The following NRXN3 variants were observed in gnomAD, a reference collection of about 807,000 sequenced individuals.
The protein encoded by NRXN3 is neurexin III.
Under a neutral mutation model 137.6 loss-of-function variants are expected in NRXN3, and 32 were observed. The observed-to-expected ratio is 0.23, with a 90% confidence interval of 0.18 to 0.31. The LOEUF is 0.31. Among genes scored for constraint, NRXN3 ranks in the 10% least tolerant of loss-of-function variants. The probability of loss-of-function intolerance (pLI) is 1.00; values close to 1 mark genes in which losing one functional copy is unlikely to be tolerated. For synonymous variants in NRXN3, 798 were observed against 784.5 expected (o/e 1.02, Z -0.29); for missense variants, 1,574 against 2,062.5 (o/e 0.76, Z 4.59).
In NRXN3 at chr14:78,481,255, G is replaced by A. The variant is rs971618180; in HGVS notation, c.758-163865G>A. Among the ~76,000 whole-genome samples, 8 of 152,122 alleles carry A rather than the reference G, an allele frequency of 5.3e-5. No homozygotes were observed. In the East Asian group the frequency reaches 5.8e-4, roughly 11 times the overall value. On this transcript the variant is annotated intron_variant, in intron 4 of 20. Coordinates refer to ENST00000335750, the MANE Select transcript of NRXN3 (RefSeq NM_001330195.2). ...TGAATGATAGTCTCTGTAGGGGAAC[G>A]CTGTGCAAAATGAGTCTTAACTGAT... is the stretch of plus-strand genomic sequence containing the variant.
intron 15 of NRXN3, among the ~76,000 whole-genome samples, chr14:79,361,760 T>G (rs904814723): frequency 7.9e-5 from 12 of 152,154 alleles, no homozygotes; most frequent in African/African-American, 2.9e-4. Flanking sequence ...ATAAAATGAC[T>G]GATATCGATT....
At chr14:79,796,246 T>C (rs994519430) in intron 19 of NRXN3, among the ~76,000 whole-genome samples, 12 of 152,202 alleles carry the variant, frequency 7.9e-5, no homozygotes, top group African/African-American at 2.7e-4. Flanking sequence ...GTCTCCTAAA[T>C]AATATGTAAT....
At chr14:79,231,302 T>C (rs749038942) in intron 15 of NRXN3, among the ~76,000 whole-genome samples, 8 of 152,170 alleles carry the variant, frequency 5.3e-5, no homozygotes, top group Non-Finnish European at 8.8e-5. Flanking sequence ...TCCCTTAATA[T>C]GATTAGTTTC....
At chr14:79,223,863 A>C (rs781683596) in intron 15 of NRXN3, among the ~76,000 whole-genome samples, 67 of 152,064 alleles carry the variant, frequency 4.4e-4, no homozygotes, top group Admixed American at 9.8e-4. Context: ...TATGACTGGT[A>C]TTTTTTTAAG....
At position 78,333,391 on chromosome 14, in the gene NRXN3, G is replaced by A. The variant is rs184713835; in HGVS notation, c.757+35531G>A. Among the ~76,000 whole-genome samples the A allele has an allele frequency of 5.1e-3, 775 of 152,302 alleles. 7 individuals are homozygous for A. Among genetic ancestry groups the A allele is most frequent in the Non-Finnish European group, 8.9e-3 (606 of 68,028 alleles). ...AGACACCATTCTAGGAATTGAGGATGTATCAGAGAATAAGATGAACAAAAA... is the reference window on the plus strand; with the variant it reads ...AGACACCATTCTAGGAATTGAGGATATATCAGAGAATAAGATGAACAAAAA... On this transcript the variant is annotated intron_variant, in intron 4 of 20. Coordinates refer to ENST00000335750, the MANE Select transcript of NRXN3 (RefSeq NM_001330195.2).
intron 15 of NRXN3, among the ~76,000 whole-genome samples, chr14:79,315,088 A>T (rs1020821718): frequency 6.6e-6 from 1 of 152,122 alleles, no homozygotes; most frequent in Non-Finnish European, 1.5e-5. Context: ...CCAGGTGATA[A>T]TGTATCTAAT....
chr14:79,265,044 G>A (rs1273969341), intron 15 of NRXN3, among the ~76,000 whole-genome samples: 1 of 151,728 alleles, frequency 6.6e-6, no homozygotes, highest in East Asian at 1.9e-4. Context: ...TAAATTAACT[G>A]GCCAAATGTC....
intron 4 of NRXN3, among the ~76,000 whole-genome samples, chr14:78,634,567 A>G (rs1377617552): frequency 1.3e-5 from 2 of 152,272 alleles, no homozygotes; most frequent in Non-Finnish European, 2.9e-5. Context: ...TAAAACATGT[A>G]GAACCTATAG....
At chr14:79,623,039 G>C (rs1388641302) in intron 16 of NRXN3, among the ~76,000 whole-genome samples, 1 of 152,148 alleles carries the variant, frequency 6.6e-6, no homozygotes, top group East Asian at 1.9e-4. Flanking sequence ...TATGATATTA[G>C]AAATCTAGGT....
intron 4 of NRXN3, among the ~76,000 whole-genome samples, chr14:78,546,436 A>C (rs553329279): frequency 3.3e-5 from 5 of 152,156 alleles, no homozygotes; most frequent in African/African-American, 1.2e-4. Flanking sequence ...TTTCCATAGT[A>C]ATATTTGTTT....
intron 20 of NRXN3, among the ~76,000 whole-genome samples, chr14:79,834,521 C>A (rs959481609): frequency 6.6e-6 from 1 of 152,124 alleles, no homozygotes; most frequent in African/African-American, 2.4e-5. Flanking sequence ...ATGAAAATGT[C>A]AGTGTTGAAA....
rs191647189 is a variant in NRXN3, at chr14:79,575,690, A to C, written c.3445-88088A>C. Among the ~76,000 whole-genome samples the C allele has an allele frequency of 6.3e-3, 964 of 152,236 alleles. 12 individuals are homozygous for C. Among genetic ancestry groups the C allele is most frequent in the Middle Eastern group, 0.044 (13 of 294 alleles). ...CGTGTCAATGATGGCTTTTAATCCCAATTTCCATCATTACCCCTCAGTGAA... is the reference window on the plus strand; with the variant it reads ...CGTGTCAATGATGGCTTTTAATCCCCATTTCCATCATTACCCCTCAGTGAA... On this transcript the variant is annotated intron_variant, in intron 16 of 20. Transcript: ENST00000335750.
At chr14:78,314,964 T>TCCC (rs1555461365) in intron 4 of NRXN3, among the ~76,000 whole-genome samples, 2 of 91,220 alleles carry the variant, frequency 2.2e-5, no homozygotes. Flanking sequence ...CCTTCCTTCC[T>TCCC]TCCTTCCTTC....
chr14:79,689,575 G>C (rs939580776), intron 17 of NRXN3, among the ~76,000 whole-genome samples: 5 of 152,072 alleles, frequency 3.3e-5, no homozygotes, highest in African/African-American at 1.2e-4. Context: ...TATCAATCTG[G>C]TGTGGAAAAC....
chr14:78,702,259 A>G (rs2098288923), intron 6 of NRXN3, among the ~76,000 whole-genome samples: 1 of 151,010 alleles, frequency 6.6e-6, no homozygotes, highest in Non-Finnish European at 1.5e-5. Context: ...CAATTTATAA[A>G]TAAGTATATG....
At chr14:78,694,355 A>C (rs957671755) in intron 6 of NRXN3, among the ~76,000 whole-genome samples, 7 of 151,918 alleles carry the variant, frequency 4.6e-5, no homozygotes, top group Admixed American at 1.3e-4. Flanking sequence ...ATTTTAGGGA[A>C]GGGCCAATGA....
At chr14:79,657,050 A>G (rs2098509852) in intron 16 of NRXN3, among the ~76,000 whole-genome samples, 1 of 152,080 alleles carries the variant, frequency 6.6e-6, no homozygotes, top group African/African-American at 2.4e-5. Context: ...TATTATCACC[A>G]TCTCCAAACC....
At chr14:78,630,231 G>A (rs2097506356) in intron 4 of NRXN3, among the ~76,000 whole-genome samples, 1 of 152,140 alleles carries the variant, frequency 6.6e-6, no homozygotes, top group South Asian at 2.1e-4. Flanking sequence ...AACTCAAAAC[G>A]AAAAGAATCT....
intron 19 of NRXN3, among the ~76,000 whole-genome samples, chr14:79,734,137 C>G (rs2098933855): frequency 6.6e-6 from 1 of 152,218 alleles, no homozygotes; most frequent in Non-Finnish European, 1.5e-5. Context: ...CAGTGCATTT[C>G]TAAACAGACT....
Sources: allele counts gnomAD v4.1 joint callset (sites outside exome capture counted in the v4.1 genomes callset), GRCh38; gene constraint gnomAD v4.1.1; transcripts MANE v1.5; gene names NCBI Gene and HGNC (gene_info 2026-07-23, HGNC 2026-07-21).